Variants in FGF12 observed in about 807,000 individuals in gnomAD.
The protein encoded by FGF12 is fibroblast growth factor 12B.
A neutral mutation model predicts 23.6 loss-of-function variants in FGF12; 14 were observed. That is an observed-to-expected ratio of 0.59 (90% CI 0.39 to 0.93). The LOEUF (loss-of-function observed/expected upper bound fraction) is 0.93, where lower values mean the gene tolerates loss of function less well. FGF12 is among the 40% of genes least tolerant of loss of function. FGF12 has a pLI of 0.00. For missense variants in FGF12, 175 were observed against 217.8 expected, an observed-to-expected ratio of 0.80 and a Z score of 1.24; for synonymous variants, 62 against 77.3, an observed-to-expected ratio of 0.80 and a Z score of 1.04.
intron 4 of FGF12, among the ~76,000 whole-genome samples, chr3:192,262,499 C>T (rs967244227): frequency 2.0e-5 from 3 of 152,052 alleles, no homozygotes; most frequent in Admixed American, 6.6e-5. Flanking sequence ...CAATGTACTA[C>T]ATATAAGAAG....
chr3:192,275,388 GT>G (rs1265078897), intron 4 of FGF12, among the ~76,000 whole-genome samples: 1 of 151,996 alleles, frequency 6.6e-6, no homozygotes, highest in African/African-American at 2.4e-5. Context: ...TTCTATATAT[GT>G]TTTCCTCTAC....
At chr3:192,185,481 A>G (rs1318561782) in intron 4 of FGF12, among the ~76,000 whole-genome samples, 3 of 152,190 alleles carry the variant, frequency 2.0e-5, no homozygotes, top group African/African-American at 7.2e-5. Context: ...CTACAAATCA[A>G]CATAGCTAAC....
At chr3:192,588,348 T>TAAAAA (rs1713467387) in intron 2 of FGF12, among the ~76,000 whole-genome samples, 1 of 16,564 alleles carries the variant, frequency 6.0e-5, no homozygotes, top group Admixed American at 1.0e-3. Context: ...ACAATCCGTC[T>TAAAAA]CAAAAAAAAA....
intron 4 of FGF12, among the ~76,000 whole-genome samples, chr3:192,294,836 C>G (rs969238668): frequency 4.6e-5 from 7 of 152,114 alleles, no homozygotes; most frequent in African/African-American, 1.7e-4. Context: ...TAATATCTCT[C>G]TATAAAGACA....
intron 4 of FGF12, among the ~76,000 whole-genome samples, chr3:192,276,557 C>T (rs1252650684): frequency 6.6e-6 from 1 of 152,116 alleles, no homozygotes; most frequent in Non-Finnish European, 1.5e-5. Flanking sequence ...ACAATACCCC[C>T]AACTGAAGGC....
At chr3:192,567,830 TTTTC>T (rs770233193) in intron 2 of FGF12, among the ~76,000 whole-genome samples, 14 of 150,296 alleles carry the variant, frequency 9.3e-5, no homozygotes, top group Non-Finnish European at 1.3e-4. Context: ...TCTCTCTCTC[TTTTC>T]TTTCTTTCTT....
chr3:192,438,651 C>T (rs917746620), intron 2 of FGF12, among the ~76,000 whole-genome samples: 1 of 152,176 alleles, frequency 6.6e-6, no homozygotes, highest in Non-Finnish European at 1.5e-5. Context: ...AGGTTTGCTG[C>T]TGTAATCAGG....
chr3:192,398,379 CTTTTTTCT>C lies in FGF12; in HGVS notation c.14-37849_14-37842del, dbSNP rs1345023822. 7.9e-3 allele frequency among the ~76,000 whole-genome samples: 480 copies of C among 60,418 alleles called. 5 individuals are homozygous for C. Among genetic ancestry groups the C allele is most frequent in the Admixed American group, 0.027 (162 of 5,994 alleles). The allele number at this position is 60,418 out of a possible 152,430, so 39.6% of individuals were successfully genotyped here. A position where few individuals can be genotyped will look rare whatever the true frequency, so the allele number is the denominator to read the frequency against. On this transcript the variant is annotated intron_variant, in intron 2 of 5. Coordinates refer to ENST00000445105, the MANE Select transcript of FGF12 (RefSeq NM_004113.6). ...CAGGCTAAAGAGGCCCTTATATTTT[CTTTTTTCT>C]TTTTTTTTTTTTTTCTGAGACAGAG...
intron 2 of FGF12, among the ~76,000 whole-genome samples, chr3:192,654,404 C>A (rs999537608): frequency 1.5e-5 from 2 of 131,254 alleles, no homozygotes; most frequent in Non-Finnish European, 3.3e-5. Flanking sequence ...AAAATCTGAT[C>A]TGGATCTAAA....
chr3:192,444,828 T>G (rs1722303860), intron 2 of FGF12, among the ~76,000 whole-genome samples: 1 of 152,264 alleles, frequency 6.6e-6, no homozygotes, highest in Non-Finnish European at 1.5e-5. Flanking sequence ...AAGCGAAGCC[T>G]GAATTCATGA....
At chr3:192,389,876 C>T (rs1720218969) in intron 2 of FGF12, among the ~76,000 whole-genome samples, 1 of 152,200 alleles carries the variant, frequency 6.6e-6, no homozygotes, top group African/African-American at 2.4e-5. Flanking sequence ...AAAAGAACTT[C>T]CTTTACTTAA....
chr3:192,230,418 C>T (rs2108583522), intron 4 of FGF12, among the ~76,000 whole-genome samples: 1 of 152,250 alleles, frequency 6.6e-6, no homozygotes, highest in Admixed American at 6.5e-5. Flanking sequence ...TTAGACTGCA[C>T]ATTTCTGGAC....
intron 2 of FGF12, among the ~76,000 whole-genome samples, chr3:192,647,101 C>G (rs1716033359): frequency 6.6e-6 from 1 of 152,070 alleles, no homozygotes; most frequent in Non-Finnish European, 1.5e-5. Context: ...TAATTTTTTA[C>G]TTGGAAAGAA....
At chr3:192,467,101 G>C (rs1405820359) in intron 2 of FGF12, among the ~76,000 whole-genome samples, 1 of 152,116 alleles carries the variant, frequency 6.6e-6, no homozygotes, top group Non-Finnish European at 1.5e-5. Flanking sequence ...AAATTTAAAA[G>C]AAGACGAATC....
chr3:192,442,514 G>T (rs1274811105), intron 2 of FGF12, among the ~76,000 whole-genome samples: 1 of 152,200 alleles, frequency 6.6e-6, no homozygotes, highest in Non-Finnish European at 1.5e-5. Context: ...AAAAGAATCT[G>T]AAGATGCCCA....
intron 2 of FGF12, among the ~76,000 whole-genome samples, chr3:192,691,049 A>G (rs1466023373): frequency 6.6e-6 from 1 of 152,104 alleles, no homozygotes; most frequent in African/African-American, 2.4e-5. Context: ...AAATATTAAC[A>G]GATCCGAAGG....
At chr3:192,379,661 T>C (rs564828327) in intron 2 of FGF12, among the ~76,000 whole-genome samples, 1 of 152,340 alleles carries the variant, frequency 6.6e-6, no homozygotes, top group African/African-American at 2.4e-5. Context: ...TAGATAATTG[T>C]GGATTTTTAT....
At position 192,412,655 on chromosome 3, in the gene FGF12, T is replaced by TAAAAA. The variant is rs1721233850; in HGVS notation, c.14-52118_14-52117insTTTTT. ...TGAGAAGAGGTGAGTATAAAGAAAT[T>TAAAAA]TAAGAAGTTAGCTAAGACCTAAATA... On this transcript the variant is annotated intron_variant, in intron 2 of 5. Transcript: ENST00000445105. Among the ~76,000 whole-genome samples the TAAAAA allele has an allele frequency of 5.3e-5, 8 of 152,312 alleles. No homozygotes were observed. The South Asian group carries it at 1.7e-3, about 32-fold the overall frequency.
At chr3:192,627,332 A>C (rs1715207893) in intron 2 of FGF12, among the ~76,000 whole-genome samples, 1 of 152,050 alleles carries the variant, frequency 6.6e-6, no homozygotes, top group Non-Finnish European at 1.5e-5. Flanking sequence ...CATATAAAAT[A>C]CTATATTTTA....
Sources: gnomAD v4.1 joint callset for allele counts (sites outside exome capture counted in the v4.1 genomes callset) on GRCh38, gnomAD v4.1.1 for gene constraint, MANE v1.5 for transcripts, NCBI Gene and HGNC (gene_info 2026-07-23, HGNC 2026-07-21) for gene names.